Variants in TTC21B observed in about 807,000 individuals in gnomAD.
TTC21B encodes tetratricopeptide repeat domain 21B.
TTC21B carries 127 observed loss-of-function variants against 175.1 expected under a neutral mutation model. That is an observed-to-expected ratio of 0.73 (90% CI 0.63 to 0.84). The LOEUF (loss-of-function observed/expected upper bound fraction) is 0.84, where lower values mean the gene tolerates loss of function less well. Ranked by LOEUF, TTC21B falls within the 40% of genes least tolerant of loss-of-function variation. TTC21B has a pLI of 0.00. For missense variants in TTC21B, 1,561 were observed against 1,558.3 expected (o/e 1.00, Z -0.03); for synonymous variants, 524 against 524.5 (o/e 1.00, Z 0.01).
chr2:165,924,663 GCC>G lies in TTC21B; in HGVS notation c.1400_1401del (p.Gly467AlafsTer40). ...SFCPMQPASP[G>X]QPLCPLLRRC... is the part of the protein sequence containing the mutation. ...CGCCTGAGAAGTGGACAAAGAGGTT[GCC>G]CAGGACTTGCAGGCTAAACAAAACA... On this transcript the variant is annotated frameshift_variant, in exon 12 of 29. Coordinates refer to ENST00000243344, the MANE Select transcript of TTC21B (RefSeq NM_024753.5). LOFTEE classifies it high-confidence loss of function. The G allele has an allele frequency of 6.2e-7, 1 of 1,613,600 alleles. No individual in the cohort carries two copies. Among genetic ancestry groups the G allele is most frequent in the Non-Finnish European group, 8.5e-7 (1 of 1,179,690 alleles).
At chr2:165,894,518 C>T (rs1291363429) in intron 22 of TTC21B, among the ~76,000 whole-genome samples, 1 of 152,058 alleles carries the variant, frequency 6.6e-6, no homozygotes, top group Non-Finnish European at 1.5e-5. Context: ...GCATACAACA[C>T]AAGATTAAAA....
At chr2:165,903,861 G>A (rs1685645081) in intron 19 of TTC21B, among the ~76,000 whole-genome samples, 1 of 152,148 alleles carries the variant, frequency 6.6e-6, no homozygotes. Context: ...TCCACTTATA[G>A]GTTTCTGTTT....
At position 165,876,210 on chromosome 2, in the gene TTC21B, G is replaced by A. The variant is rs751390551; in HGVS notation, c.3828C>T (p.Tyr1276=). Residue 1276 remains tyrosine (Y), a synonymous_variant, in exon 28 of 29, where the codon TAC becomes TAT. Transcript: ENST00000243344. ...AATCCACATATCTTTTTGCTTTTAA[G>A]TAATTAAATGCCAGTTTGTATCCTG... ...PAVGYKLAFN[Y]LKAKRYVDSI... 3.1e-6 allele frequency: 5 copies of A among 1,596,000 alleles called. No individual in the cohort carries two copies. Among genetic ancestry groups the A allele is most frequent in the Non-Finnish European group, 4.3e-6 (5 of 1,164,800 alleles).
chr2:165,945,041 C>T (rs1180324143), intron 4 of TTC21B, among the ~76,000 whole-genome samples: 1 of 152,180 alleles, frequency 6.6e-6, no homozygotes, highest in Non-Finnish European at 1.5e-5. Flanking sequence ...ATACTTTAAT[C>T]ACATATCTCT....
Position 165,890,547 on chromosome 2 carries a change from C to G in TTC21B, c.3195G>C (p.Glu1065Asp), listed in dbSNP as rs1574070858. The change falls in exon 24 of 29, where the codon GAG becomes GAC. Residue 1065 changes from glutamate (E) to aspartate (D), a missense_variant. By Grantham distance (45) the Glu-to-Asp change is conservative (BLOSUM62 2). Transcript: ENST00000243344. The part of the protein sequence containing the change: ...WGQNALYNMI[E>D]ICLNPDNETV... Reference sequence around the variant, plus strand: ...TTTCATTATCTGGATTCAAACAGATCTCTATCATATTATAAAGGGCATTTT... The same window carrying G: ...TTTCATTATCTGGATTCAAACAGATGTCTATCATATTATAAAGGGCATTTT... 2 of 1,613,604 alleles carry G rather than the reference C, an allele frequency of 1.2e-6. No individual in the cohort carries two copies. The highest frequency in any genetic ancestry group is 1.7e-5 in the Admixed American group (1 of 59,992).
intron 27 of TTC21B, among the ~76,000 whole-genome samples, chr2:165,877,189 C>T (rs1684692595): frequency 6.6e-6 from 1 of 152,186 alleles, no homozygotes; most frequent in Non-Finnish European, 1.5e-5. Flanking sequence ...AAATATCTCA[C>T]TCTACCTCTT....
intron 6 of TTC21B, among the ~76,000 whole-genome samples, chr2:165,939,735 T>G (rs1407763765): frequency 1.3e-5 from 2 of 152,152 alleles, no homozygotes; most frequent in African/African-American, 4.8e-5. Context: ...CATTTCAAAC[T>G]TACAATGTTG....
intron 17 of TTC21B, among the ~76,000 whole-genome samples, chr2:165,912,127 T>G (rs1237427485): frequency 6.6e-6 from 1 of 152,112 alleles, no homozygotes; most frequent in South Asian, 2.1e-4. Flanking sequence ...AATATAACAG[T>G]TCAAGAAAAA....
chr2:165,919,690 C>T (rs1228126388), intron 12 of TTC21B, among the ~76,000 whole-genome samples: 1 of 152,136 alleles, frequency 6.6e-6, no homozygotes, highest in East Asian at 1.9e-4. Flanking sequence ...GGATGAGAGC[C>T]AAGCACTGGT....
chr2:165,892,670 C>T (rs1685235830), intron 22 of TTC21B, among the ~76,000 whole-genome samples: 1 of 152,120 alleles, frequency 6.6e-6, no homozygotes, highest in African/African-American at 2.4e-5. Context: ...AGAATAAATT[C>T]ATCAACATAG....
chr2:165,944,723 A>G (rs1279054693), intron 4 of TTC21B, among the ~76,000 whole-genome samples: 3 of 152,100 alleles, frequency 2.0e-5, no homozygotes, highest in Non-Finnish European at 4.4e-5. Flanking sequence ...TTACCTCTCC[A>G]AGCTTTTCTT....
chr2:165,916,859 C>T (rs1355644453), intron 14 of TTC21B, among the ~76,000 whole-genome samples: 1 of 152,006 alleles, frequency 6.6e-6, no homozygotes, highest in East Asian at 1.9e-4. Flanking sequence ...ACCACCTGGT[C>T]AAGGGAATAC....
At chr2:165,938,300 G>A (rs1456346063) in intron 6 of TTC21B, among the ~76,000 whole-genome samples, 1 of 151,980 alleles carries the variant, frequency 6.6e-6, no homozygotes, top group Non-Finnish European at 1.5e-5. Context: ...ACCAGGAGAA[G>A]AGAAGTTTTT....
At chr2:165,914,502 G>A (rs1181509783) in intron 15 of TTC21B, among the ~76,000 whole-genome samples, 1 of 152,084 alleles carries the variant, frequency 6.6e-6, no homozygotes, top group Non-Finnish European at 1.5e-5. Context: ...AATCTGAGCA[G>A]CTTTTTGAGT....
chr2:165,884,935 G>A (rs2105285721), intron 25 of TTC21B, among the ~76,000 whole-genome samples: 1 of 152,296 alleles, frequency 6.6e-6, no homozygotes, highest in South Asian at 2.1e-4. Context: ...TGTAATCAAA[G>A]CACTTCGGGA....
Position 165,901,724 on chromosome 2 carries a change from T to G in TTC21B, c.2755A>C (p.Lys919Gln). ...EALVHCETDNKIMLELARLYL... is the reference protein window; with the variant it reads ...EALVHCETDNQIMLELARLYL... ...TAAAATTTTATAAAGGTACTGACCT[T>G]ATTATCTGTTTCGCAGTGAACCAGA... The change falls in exon 20 of 29, where the codon AAG (lysine) becomes CAG (glutamine). Residue 919 changes from lysine (K) to glutamine (Q), a missense_variant and splice_region_variant. Transcript: ENST00000243344. The G allele has an allele frequency of 6.2e-7, 1 of 1,613,582 alleles. No individual in the cohort carries two copies. The highest frequency in any genetic ancestry group is 8.5e-7 in the Non-Finnish European group (1 of 1,179,488).
At chr2:165,913,825 T>G (rs530480885) in intron 15 of TTC21B, among the ~76,000 whole-genome samples, 179 bp from the exon 16 acceptor site, 6 of 152,352 alleles carry the variant, frequency 3.9e-5, no homozygotes, top group African/African-American at 1.4e-4. Context: ...AAATTGTTTA[T>G]GCTAGATCAG....
chr2:165,876,370 A>G, intron 27 of TTC21B, 138 bp from the exon 28 acceptor site: 1 of 657,598 alleles, frequency 1.5e-6, no homozygotes, highest in South Asian at 1.7e-5. Flanking sequence ...TACGCTATAC[A>G]GAGAAGTTGT....
chr2:165,883,045 T>A (rs1280698810), intron 26 of TTC21B, among the ~76,000 whole-genome samples: 2 of 152,108 alleles, frequency 1.3e-5, no homozygotes, highest in South Asian at 4.1e-4. Context: ...CAATTCCTCT[T>A]TAAAAAATAA....
Sources: gnomAD v4.1 joint callset for allele counts (sites outside exome capture counted in the v4.1 genomes callset) on GRCh38, gnomAD v4.1.1 for gene constraint, MANE v1.5 for transcripts, NCBI Gene and HGNC (gene_info 2026-07-23, HGNC 2026-07-21) for gene names.